Variants in RNF216 observed in about 807,000 individuals in gnomAD.
RNF216 encodes the protein ring finger protein 216, also known as E3 ubiquitin-protein ligase RNF216.
In RNF216, 72 loss-of-function variants were observed where a neutral mutation model predicts 110.8. The ratio of observed to expected loss-of-function variants is 0.65; its 90% CI spans 0.54 to 0.79. The LOEUF (loss-of-function observed/expected upper bound fraction) is 0.79, where lower values mean the gene tolerates loss of function less well. Ranked by LOEUF, RNF216 falls within the 30% of genes least tolerant of loss-of-function variation. The pLI is 0.00. For synonymous variants in RNF216, 495 were observed against 407.5 expected (o/e 1.21, Z -2.59); for missense variants, 1,342 against 1,141.2 (o/e 1.18, Z -2.54).
chr7:5,653,031 G>A (rs1475765874), intron 13 of RNF216, among the ~76,000 whole-genome samples: 2 of 152,100 alleles, frequency 1.3e-5, no homozygotes, highest in Non-Finnish European at 2.9e-5. Context: ...TTTGGATCTC[G>A]TTAATCTCTG....
At chr7:5,689,608 G>A (rs1791203940) in intron 13 of RNF216, among the ~76,000 whole-genome samples, 2 of 152,132 alleles carry the variant, frequency 1.3e-5, no homozygotes, top group African/African-American at 2.4e-5. Flanking sequence ...TTTTAGGGCT[G>A]TAATTACATG....
intron 13 of RNF216, among the ~76,000 whole-genome samples, chr7:5,656,554 G>C (rs948993538): frequency 2.6e-5 from 4 of 152,106 alleles, no homozygotes; most frequent in Admixed American, 2.0e-4. Flanking sequence ...AGCAGCTCCC[G>C]CCCTCTCAGG....
chr7:5,634,805 G>A (rs1396877413), intron 15 of RNF216, among the ~76,000 whole-genome samples: 1 of 152,254 alleles, frequency 6.6e-6, no homozygotes, highest in Non-Finnish European at 1.5e-5. Context: ...AGCACCAACA[G>A]GCCGTGTGTA....
At chr7:5,668,275 G>A (rs1789660261) in intron 13 of RNF216, among the ~76,000 whole-genome samples, 1 of 149,606 alleles carries the variant, frequency 6.7e-6, no homozygotes, top group African/African-American at 2.5e-5. Flanking sequence ...CCCGGCTGGA[G>A]TGCAGTGGCG....
chr7:5,702,089 C>T (rs753499667), intron 13 of RNF216, among the ~76,000 whole-genome samples: 17 of 152,172 alleles, frequency 1.1e-4, no homozygotes, highest in Admixed American at 2.0e-4. Flanking sequence ...TCTCGGAGCC[C>T]ACGCTGACTC....
At position 5,711,778 on chromosome 7, in the gene RNF216, T is replaced by G. The variant is rs2128629393; in HGVS notation, c.2044A>C (p.Asn682His). 1 of 1,613,688 alleles carries G rather than the reference T, an allele frequency of 6.2e-7. No homozygotes were observed. The highest frequency in any genetic ancestry group is 8.5e-7 in the Non-Finnish European group (1 of 1,179,834). The change falls in exon 13 of 17, where the codon AAT becomes CAT. Residue 682 changes from asparagine (N) to histidine (H), a missense_variant. Physicochemically the swap from Asn to His is moderately conservative, Grantham distance 68. Coordinates refer to ENST00000389902, the MANE Select transcript of RNF216 (RefSeq NM_207111.4). ...CTCCCTACCTTTCGGCAGTGAGGATTAGGACAGCTGAACCTCTTCACATCA... is the reference window on the plus strand; with the variant it reads ...CTCCCTACCTTTCGGCAGTGAGGATGAGGACAGCTGAACCTCTTCACATCA... ...DSDVKRFSCP[N>H]PHCRKETCRK...
intron 1 of RNF216, among the ~76,000 whole-genome samples, chr7:5,767,927 A>G (rs1045134632): frequency 6.6e-5 from 10 of 152,146 alleles, no homozygotes; most frequent in African/African-American, 2.4e-4. Flanking sequence ...GTCAAGCCCA[A>G]CCAAAGTAGA....
chr7:5,643,129 G>A (rs1787843110), intron 14 of RNF216, among the ~76,000 whole-genome samples: 2 of 152,130 alleles, frequency 1.3e-5, no homozygotes, highest in Admixed American at 6.6e-5. Flanking sequence ...AAGCATGCCT[G>A]CAACTCAACA....
At chr7:5,698,203 A>G (rs554954358) in intron 13 of RNF216, among the ~76,000 whole-genome samples, 1 of 152,260 alleles carries the variant, frequency 6.6e-6, no homozygotes, top group Non-Finnish European at 1.5e-5. Flanking sequence ...GGCTAGAGGG[A>G]CACTCAAAAG....
chr7:5,695,438 C>T (rs1446311972), intron 13 of RNF216, among the ~76,000 whole-genome samples: 1 of 152,162 alleles, frequency 6.6e-6, no homozygotes, highest in Admixed American at 6.5e-5. Context: ...TTTCTTATGG[C>T]TGCTGCTGCC....
chr7:5,692,139 A>C (rs1791377047), intron 13 of RNF216, among the ~76,000 whole-genome samples: 1 of 152,260 alleles, frequency 6.6e-6, no homozygotes, highest in African/African-American at 2.4e-5. Context: ...TAGCACGGCT[A>C]TTTGAAAAAT....
intron 1 of RNF216, among the ~76,000 whole-genome samples, chr7:5,769,411 T>C (rs62455878): frequency 0.98 from 148,806 of 152,042 alleles, 72,836 homozygotes; most frequent in Middle Eastern, 0.99. Flanking sequence ...CCACCGCGCC[T>C]GGCCGCAAAT....
At chr7:5,643,331 T>G (rs1787855486) in intron 14 of RNF216, among the ~76,000 whole-genome samples, 1 of 150,632 alleles carries the variant, frequency 6.6e-6, no homozygotes, top group South Asian at 2.1e-4. Context: ...TGGGGAAAAA[T>G]CATGGTTGAT....
intron 10 of RNF216, among the ~76,000 whole-genome samples, chr7:5,716,069 T>A (rs529683554): frequency 1.3e-5 from 2 of 152,282 alleles, no homozygotes; most frequent in African/African-American, 4.8e-5. Flanking sequence ...ATTTTTAATT[T>A]TTATTAGAAA....
chr7:5,744,489 A>G (rs757493988), intron 3 of RNF216, among the ~76,000 whole-genome samples: 9 of 152,152 alleles, frequency 5.9e-5, no homozygotes, highest in Non-Finnish European at 1.3e-4. Flanking sequence ...GGGACACATA[A>G]TGGTTAGTTC....
At chr7:5,676,325 G>T (rs1229837786) in intron 13 of RNF216, among the ~76,000 whole-genome samples, 1 of 152,150 alleles carries the variant, frequency 6.6e-6, no homozygotes, top group African/African-American at 2.4e-5. Flanking sequence ...CCATGCCAAA[G>T]AAATTTCTTT....
intron 13 of RNF216, among the ~76,000 whole-genome samples, chr7:5,688,393 T>C (rs1791117570): frequency 6.6e-6 from 1 of 152,214 alleles, no homozygotes; most frequent in African/African-American, 2.4e-5. Flanking sequence ...CTACACCTCT[T>C]TTCTATCCTA....
intron 15 of RNF216, among the ~76,000 whole-genome samples, chr7:5,640,390 GC>G (rs1787665119): frequency 6.6e-6 from 1 of 152,038 alleles, no homozygotes; most frequent in Non-Finnish European, 1.5e-5. Context: ...GGGAAACATA[GC>G]CCCTACAATG....
Position 5,641,252 on chromosome 7 carries a change from C to T in RNF216, c.2284G>A (p.Val762Ile). ...CGAQMCYLCR[V>I]SINGYDHFCQ... ...AAATGGTCATATCCATTAATAGAAA[C>T]TCGACAGAGGTAGCACATCTGGGCA... Residue 762 changes from valine to isoleucine, a missense_variant, in exon 15 of 17, where the codon GTT (valine) becomes ATT (isoleucine). Val to Ile is a conservative substitution (Grantham distance 29). Coordinates refer to ENST00000389902, the MANE Select transcript of RNF216 (RefSeq NM_207111.4). 6.2e-6 allele frequency: 10 copies of T among 1,614,166 alleles called. No individual in the cohort carries two copies. Among genetic ancestry groups the T allele is most frequent in the Non-Finnish European group, 7.6e-6 (9 of 1,180,042 alleles).
Sources: gnomAD v4.1 joint callset for allele counts (sites outside exome capture counted in the v4.1 genomes callset) on GRCh38, gnomAD v4.1.1 for gene constraint, MANE v1.5 for transcripts, NCBI Gene and HGNC (gene_info 2026-07-23, HGNC 2026-07-21) for gene names.